Variants in MAML3 observed in about 807,000 individuals in gnomAD.
The protein encoded by MAML3 is mastermind like transcriptional coactivator 3, also known as mastermind-like protein 3.
MAML3 carries 27 observed loss-of-function variants against 101.9 expected under a neutral mutation model. That is an observed-to-expected ratio of 0.27 (90% CI 0.20 to 0.37). The LOEUF (loss-of-function observed/expected upper bound fraction) is 0.37, where lower values mean the gene tolerates loss of function less well. MAML3 is among the 10% of genes least tolerant of loss of function. MAML3 has a pLI of 1.00. For synonymous variants in MAML3, 501 were observed against 555.9 expected (o/e 0.90, Z 1.39); for missense variants, 1,316 against 1,444.9 (o/e 0.91, Z 1.45).
intron 2 of MAML3, among the ~76,000 whole-genome samples, chr4:139,829,031 ACG>A (rs1206862144): frequency 2.8e-5 from 4 of 145,034 alleles, no homozygotes; most frequent in East Asian, 4.1e-4. Context: ...GGACGGACGG[ACG>A]GACTAAGGGA....
chr4:139,977,138 G>A (rs910543415), intron 1 of MAML3, among the ~76,000 whole-genome samples: 21 of 152,094 alleles, frequency 1.4e-4, no homozygotes, highest in Admixed American at 4.6e-4. Context: ...TATGAACCAG[G>A]AAACAGGCCC....
chr4:140,080,395 A>G (rs895927548), intron 1 of MAML3, among the ~76,000 whole-genome samples: 2 of 152,270 alleles, frequency 1.3e-5, no homozygotes, highest in African/African-American at 4.8e-5. Context: ...CTCATCCTTT[A>G]AACGGTAATG....
intron 2 of MAML3, among the ~76,000 whole-genome samples, chr4:139,859,336 C>T (rs1156486670): frequency 2.6e-5 from 4 of 151,324 alleles, no homozygotes; most frequent in African/African-American, 9.7e-5. Context: ...AAGCAATCCT[C>T]CTGCCGGAGT....
chr4:139,720,786 C>A (rs1057028831), intron 4 of MAML3, among the ~76,000 whole-genome samples: 1 of 152,216 alleles, frequency 6.6e-6, no homozygotes, highest in Non-Finnish European at 1.5e-5. Context: ...GAATCCACCT[C>A]TGGGGCTAAA....
At chr4:140,025,531 T>C (rs1726807662) in intron 1 of MAML3, among the ~76,000 whole-genome samples, 1 of 152,150 alleles carries the variant, frequency 6.6e-6, no homozygotes, top group Non-Finnish European at 1.5e-5. Context: ...TTTAAAAACC[T>C]GCTAGAGAAA....
At chr4:139,878,261 C>T (rs795975) in intron 2 of MAML3, among the ~76,000 whole-genome samples, 122,423 of 152,074 alleles carry the variant, frequency 0.81, 49,740 homozygotes, top group African/African-American at 0.91. Flanking sequence ...CAGTTGCCCT[C>T]TGGAGGCTGC....
intron 1 of MAML3, among the ~76,000 whole-genome samples, chr4:140,145,249 G>T (rs1330223620): frequency 1.1e-4 from 16 of 152,178 alleles, no homozygotes; most frequent in Admixed American, 1.0e-3. Context: ...GAGGGGTGGA[G>T]GGTCCATAAA....
chr4:139,926,337 G>A (rs1446486675), intron 1 of MAML3, among the ~76,000 whole-genome samples: 1 of 152,170 alleles, frequency 6.6e-6, no homozygotes, highest in Non-Finnish European at 1.5e-5. Context: ...AGTGGCTCAT[G>A]CCTGTAATCC....
chr4:139,987,101 G>C (rs1039960275), intron 1 of MAML3, among the ~76,000 whole-genome samples: 1 of 152,196 alleles, frequency 6.6e-6, no homozygotes, highest in Admixed American at 6.5e-5. Flanking sequence ...TCCCACTGTA[G>C]ACCAGGCAGA....
chr4:139,821,194 T>C (rs542654741), intron 2 of MAML3, among the ~76,000 whole-genome samples: 30 of 152,334 alleles, frequency 2.0e-4, no homozygotes, highest in African/African-American at 7.2e-4. Flanking sequence ...GTTACAAGGT[T>C]GTGAAACATA....
chr4:140,153,329 C>A lies in MAML3; in HGVS notation c.-2G>T. The A allele has an allele frequency of 6.3e-7, 1 of 1,582,972 alleles. No homozygotes were observed. The highest frequency in any genetic ancestry group is 1.2e-5 in the South Asian group (1 of 86,716). ...AGCGGGGGCTGCGAAATCCCCCATCCTGCTCCCCGGGCACACTATTTTGGA... is the reference window on the plus strand; with the variant it reads ...AGCGGGGGCTGCGAAATCCCCCATCATGCTCCCCGGGCACACTATTTTGGA... On this transcript the variant is annotated 5_prime_UTR_variant, in exon 1 of 5. In the 5' UTR this introduces an upstream ATG that the reference lacks. Transcript: ENST00000509479.
rs752981689 is a variant in MAML3, at chr4:139,720,012, C to T, written c.2728G>A (p.Gly910Arg). 15 of 1,613,950 alleles carry T rather than the reference C, an allele frequency of 9.3e-6. No individual in the cohort carries two copies. In the Admixed American group the frequency reaches 1.0e-4, roughly 11 times the overall value. ...CTCTGACCAAAGCCACTCACCATTC[C>T]AACCCCCTGCCCAGAGGCAGGTTGC... ...PRQPASGQGVGMVSGFGQSML... is the reference protein window; with the variant it reads ...PRQPASGQGVRMVSGFGQSML... The change falls in exon 5 of 5, where the codon GGA (glycine) becomes AGA (arginine). Residue 910 changes from glycine to arginine, a missense_variant. Physicochemically the swap from Gly to Arg is moderately radical, Grantham distance 125. Coordinates refer to ENST00000509479, the MANE Select transcript of MAML3 (RefSeq NM_018717.5).
chr4:140,142,410 A>AT (rs1021947468), intron 1 of MAML3, among the ~76,000 whole-genome samples: 6 of 152,202 alleles, frequency 3.9e-5, no homozygotes, highest in Non-Finnish European at 8.8e-5. Flanking sequence ...AGTTCCTCCT[A>AT]TGTACATGTA....
At chr4:139,780,169 TG>T (rs1730172443) in intron 2 of MAML3, among the ~76,000 whole-genome samples, 2 of 152,254 alleles carry the variant, frequency 1.3e-5, no homozygotes, top group Non-Finnish European at 2.9e-5. Context: ...TAGCCACACT[TG>T]GCTAGTGGCT....
chr4:139,796,005 C>T (rs749185353), intron 2 of MAML3, among the ~76,000 whole-genome samples: 1 of 152,186 alleles, frequency 6.6e-6, no homozygotes, highest in East Asian at 1.9e-4. Flanking sequence ...TTGGGTAGCA[C>T]GTGGTAACCT....
chr4:139,930,461 T>C (rs556784044), intron 1 of MAML3, among the ~76,000 whole-genome samples: 194 of 152,318 alleles, frequency 1.3e-3, no homozygotes, highest in Middle Eastern at 3.4e-3. Flanking sequence ...TGGAAGATAC[T>C]AAACAGCCAC....
intron 1 of MAML3, among the ~76,000 whole-genome samples, chr4:139,979,958 A>G (rs1176072425): frequency 1.3e-5 from 2 of 152,194 alleles, no homozygotes; most frequent in African/African-American, 2.4e-5. Flanking sequence ...TGTCCCACCC[A>G]GGGTCTAGGT....
chr4:140,079,821 A>G (rs1727835331), intron 1 of MAML3, among the ~76,000 whole-genome samples: 2 of 152,246 alleles, frequency 1.3e-5, no homozygotes, highest in African/African-American at 4.8e-5. Context: ...TTCAAAGCCA[A>G]AGAGAGGAAG....
chr4:139,763,748 T>C (rs1729801131), intron 2 of MAML3, among the ~76,000 whole-genome samples: 1 of 152,226 alleles, frequency 6.6e-6, no homozygotes, highest in South Asian at 2.1e-4. Context: ...CAGCTAAAGA[T>C]ATCTCTGCAT....
Sources: allele counts gnomAD v4.1 joint callset (sites outside exome capture counted in the v4.1 genomes callset), GRCh38; gene constraint gnomAD v4.1.1; transcripts MANE v1.5; gene names NCBI Gene and HGNC (gene_info 2026-07-23, HGNC 2026-07-21).